Variants in PCDHGB5 observed in about 807,000 individuals in gnomAD.
PCDHGB5 encodes protocadherin gamma-B5.
Under a neutral mutation model 62.9 loss-of-function variants are expected in PCDHGB5, and 48 were observed. That is an observed-to-expected ratio of 0.76 (90% confidence interval 0.61 to 0.97). The LOEUF is 0.97. Ranked by LOEUF, PCDHGB5 falls within the 50% of genes least tolerant of loss-of-function variation. The pLI is 0.00. For synonymous variants in PCDHGB5, 474 were observed against 511.2 expected, an observed-to-expected ratio of 0.93 and a Z score of 0.98; for missense variants, 1,118 against 1,198.6, an observed-to-expected ratio of 0.93 and a Z score of 0.99.
intron 1 of PCDHGB5, among the ~76,000 whole-genome samples, chr5:141,483,631 T>C (rs973545851): frequency 2.7e-5 from 4 of 149,022 alleles, no homozygotes; most frequent in African/African-American, 1.0e-4. Flanking sequence ...TGGGAGAAGG[T>C]ATAGAGGGGT....
intron 1 of PCDHGB5, chr5:141,410,849 CTT>C (rs759346998): frequency 0.032 from 4,298 of 136,266 alleles, no homozygotes; most frequent in South Asian, 0.069. Flanking sequence ...TTGTCTTTGT[CTT>C]TTTTTTTTTT....
chr5:141,404,085 A>G, intron 1 of PCDHGB5: 1 of 1,613,618 alleles, frequency 6.2e-7, no homozygotes, highest in South Asian at 1.1e-5. Context: ...GACTCCGGGA[A>G]GAATGGTCAA....
chr5:141,494,891 C>G, intron 2 of PCDHGB5, 26 bp downstream of exon 2: 1 of 1,614,098 alleles, frequency 6.2e-7, no homozygotes. Flanking sequence ...TCCAGCCCAC[C>G]CTCTTCTCTG....
intron 1 of PCDHGB5, among the ~76,000 whole-genome samples, chr5:141,444,402 C>A (rs916833331): frequency 6.6e-6 from 1 of 151,932 alleles, no homozygotes; most frequent in Admixed American, 6.6e-5. Flanking sequence ...AACTCCCAAC[C>A]TCAGGTGATC....
chr5:141,421,473 C>T (rs907282414), intron 1 of PCDHGB5: 10 of 1,613,994 alleles, frequency 6.2e-6, no homozygotes, highest in Middle Eastern at 1.6e-4. Context: ...ATCCGCGAAG[C>T]GGCAGCTTGA....
At chr5:141,419,717 G>A (rs1159633605) in intron 1 of PCDHGB5, 3 of 1,613,236 alleles carry the variant, frequency 1.9e-6, no homozygotes, top group Non-Finnish European at 2.5e-6. Flanking sequence ...CTTCAGCCTG[G>A]GGCTGCGAAC....
At chr5:141,444,492 T>C (rs1052885639) in intron 1 of PCDHGB5, among the ~76,000 whole-genome samples, 1 of 152,122 alleles carries the variant, frequency 6.6e-6, no homozygotes, top group East Asian at 1.9e-4. Context: ...TTATATTGTG[T>C]AATACTTTGC....
At chr5:141,417,932 T>A (rs1398348549) in intron 1 of PCDHGB5, 2 of 1,611,670 alleles carry the variant, frequency 1.2e-6, no homozygotes, top group East Asian at 4.5e-5. Flanking sequence ...GCTGCCTTTG[T>A]TCTACCCCAC....
chr5:141,492,557 G>A (rs2154587614), intron 1 of PCDHGB5, among the ~76,000 whole-genome samples: 1 of 152,350 alleles, frequency 6.6e-6, no homozygotes, highest in East Asian at 1.9e-4. Flanking sequence ...TCGCCTGGGG[G>A]GCGGCCTGAG....
At chr5:141,439,741 A>C (rs1303886454) in intron 1 of PCDHGB5, 1 of 152,352 alleles carries the variant, frequency 6.6e-6, no homozygotes, top group African/African-American at 2.4e-5. Flanking sequence ...AACGGAACGG[A>C]TTTACAGGCA....
chr5:141,410,087 G>A (rs1427716409), intron 1 of PCDHGB5: 1 of 1,612,482 alleles, frequency 6.2e-7, no homozygotes, highest in African/African-American at 1.3e-5. Flanking sequence ...GGTGCGCACG[G>A]CTCGAGCCTT....
At chr5:141,433,604 G>A (rs2097631609) in intron 1 of PCDHGB5, among the ~76,000 whole-genome samples, 1 of 152,138 alleles carries the variant, frequency 6.6e-6, no homozygotes, top group Non-Finnish European at 1.5e-5. Flanking sequence ...GGGAGGCCGA[G>A]GCGGGTGGAT....
At chr5:141,414,280 G>A (rs1448512468) in intron 1 of PCDHGB5, 2 of 1,613,604 alleles carry the variant, frequency 1.2e-6, no homozygotes, top group Admixed American at 1.7e-5. Context: ...TCTGGGAACA[G>A]TCGTAGCCCT....
At chr5:141,421,892 T>C in intron 1 of PCDHGB5, 1 of 1,613,684 alleles carries the variant, frequency 6.2e-7, no homozygotes, top group Non-Finnish European at 8.5e-7. Context: ...GGCGATCCCA[T>C]CCGAAAGGGC....
At chr5:141,507,474 C>T (rs774159694) in intron 3 of PCDHGB5, among the ~76,000 whole-genome samples, 2 of 152,196 alleles carry the variant, frequency 1.3e-5, no homozygotes, top group Non-Finnish European at 2.9e-5. Flanking sequence ...GCAGGGACTG[C>T]TGGCCTCCTG....
chr5:141,434,964 T>C (rs2154556462), intron 1 of PCDHGB5, among the ~76,000 whole-genome samples: 1 of 152,004 alleles, frequency 6.6e-6, no homozygotes, highest in East Asian at 1.9e-4. Context: ...ATTTATAAAA[T>C]TACTTTGTTA....
At chr5:141,469,569 G>A (rs975304006) in intron 1 of PCDHGB5, among the ~76,000 whole-genome samples, 1 of 152,122 alleles carries the variant, frequency 6.6e-6, no homozygotes, top group Non-Finnish European at 1.5e-5. Flanking sequence ...GTGAGACTCT[G>A]TCTCTAAATA....
intron 1 of PCDHGB5, chr5:141,478,217 G>A: frequency 2.5e-6 from 4 of 1,614,094 alleles, no homozygotes. Flanking sequence ...TCTAATCCTG[G>A]TTTCTGTGGG....
intron 1 of PCDHGB5, among the ~76,000 whole-genome samples, chr5:141,473,343 T>C (rs1309426537): frequency 6.6e-6 from 1 of 152,218 alleles, no homozygotes; most frequent in Non-Finnish European, 1.5e-5. Flanking sequence ...TGCTAGACAG[T>C]GAGGATGCAA....
Sources: gnomAD v4.1 joint callset for allele counts (sites outside exome capture counted in the v4.1 genomes callset) on GRCh38, gnomAD v4.1.1 for gene constraint, MANE v1.5 for transcripts, NCBI Gene and HGNC (gene_info 2026-07-23, HGNC 2026-07-21) for gene names.